Variants in SPAG16 observed in about 807,000 individuals in gnomAD.
The protein encoded by SPAG16 is sperm-associated antigen 16 protein.
A neutral mutation model predicts 80.4 loss-of-function variants in SPAG16; 86 were observed. That is an observed-to-expected ratio of 1.07 (90% confidence interval 0.90 to 1.28). The LOEUF is 1.28. Among genes scored for constraint, SPAG16 ranks in the 50% most tolerant of loss-of-function variants. SPAG16 has a pLI of 0.00. For missense variants in SPAG16, 870 were observed against 765.3 expected (o/e 1.14, Z -1.61); for synonymous variants, 294 against 265.9 (o/e 1.11, Z -1.03).
At chr2:214,152,731 G>A (rs1034815167) in intron 15 of SPAG16, among the ~76,000 whole-genome samples, 5 of 152,136 alleles carry the variant, frequency 3.3e-5, no homozygotes, top group African/African-American at 7.2e-5. Flanking sequence ...AAAGGGGCAG[G>A]GTAAAGAGTG....
chr2:213,622,846 T>TA (rs11382964), intron 10 of SPAG16, among the ~76,000 whole-genome samples: 62,803 of 151,976 alleles, frequency 0.41, 13,564 homozygotes, highest in Middle Eastern at 0.52. Flanking sequence ...TGTGTATTTT[T>TA]AAAGTATAAG....
At chr2:213,946,859 C>T (rs866773612) in intron 12 of SPAG16, among the ~76,000 whole-genome samples, 7 of 152,280 alleles carry the variant, frequency 4.6e-5, no homozygotes, top group Middle Eastern at 3.4e-3. Context: ...CATACTCTCC[C>T]GCCTACTCTT....
At chr2:213,811,912 G>A (rs2072181671) in intron 10 of SPAG16, among the ~76,000 whole-genome samples, 1 of 152,094 alleles carries the variant, frequency 6.6e-6, no homozygotes, top group Non-Finnish European at 1.5e-5. Context: ...ACACTCAGCT[G>A]CAGGCGACCT....
chr2:213,386,626 A>T (rs2067444062), intron 9 of SPAG16, among the ~76,000 whole-genome samples: 1 of 152,154 alleles, frequency 6.6e-6, no homozygotes, highest in Non-Finnish European at 1.5e-5. Flanking sequence ...ATTCCATGAT[A>T]ATTCTTATAT....
intron 10 of SPAG16, among the ~76,000 whole-genome samples, chr2:213,619,147 A>G (rs2061691838): frequency 6.6e-6 from 1 of 152,194 alleles, no homozygotes. Flanking sequence ...GATAGGTATC[A>G]GATCTGAAAC....
At chr2:214,071,730 A>T (rs2050797085) in intron 13 of SPAG16, among the ~76,000 whole-genome samples, 2 of 152,034 alleles carry the variant, frequency 1.3e-5, no homozygotes, top group Admixed American at 6.6e-5. Flanking sequence ...TGTTTTTGTG[A>T]GTATCATCTT....
intron 15 of SPAG16, among the ~76,000 whole-genome samples, chr2:214,178,551 A>G (rs1264507271): frequency 6.6e-6 from 1 of 151,250 alleles, no homozygotes; most frequent in Non-Finnish European, 1.5e-5. Context: ...AGTGAATCAA[A>G]AAGTGATTTT....
chr2:213,834,304 G>T (rs2073961687), intron 10 of SPAG16, among the ~76,000 whole-genome samples: 1 of 152,156 alleles, frequency 6.6e-6, no homozygotes, highest in Non-Finnish European at 1.5e-5. Flanking sequence ...ATTTAGCAAA[G>T]CTCTACATGA....
At chr2:213,544,092 T>G (rs968277692) in intron 10 of SPAG16, among the ~76,000 whole-genome samples, 24 of 150,880 alleles carry the variant, frequency 1.6e-4, no homozygotes, top group African/African-American at 5.0e-4. Context: ...TTGGACCTAT[T>G]GTACTGGCTT....
In SPAG16 at chr2:214,059,186, CTATATATA is replaced by C. The variant is rs36006046; in HGVS notation, c.1527+45131_1527+45138del. ...AGCAAGACTCTGTCTCTCTCTCTGT[CTATATATA>C]TATATATATATATATATATATGTAT... is the stretch of plus-strand genomic sequence containing the variant. On this transcript the variant is annotated intron_variant, in intron 13 of 15. Transcript: ENST00000331683. 6.6e-3 allele frequency among the ~76,000 whole-genome samples: 754 copies of C among 114,332 alleles called. 10 individuals are homozygous for C. Among genetic ancestry groups the C allele is most frequent in the African/African-American group, 9.8e-3 (280 of 28,526 alleles). The allele number at this position is 114,332 out of a possible 152,430, so 75.0% of individuals were successfully genotyped here.
chr2:213,836,523 C>T (rs949516854), intron 10 of SPAG16, among the ~76,000 whole-genome samples: 2 of 151,996 alleles, frequency 1.3e-5, no homozygotes, highest in African/African-American at 4.8e-5. Flanking sequence ...AAACAGCTAT[C>T]CAAATGCTCT....
chr2:213,468,724 G>GTA (rs1320403636), intron 9 of SPAG16, among the ~76,000 whole-genome samples: 15 of 147,798 alleles, frequency 1.0e-4, no homozygotes, highest in East Asian at 2.0e-4. Flanking sequence ...ATATATATGT[G>GTA]TATATATATA....
intron 10 of SPAG16, among the ~76,000 whole-genome samples, chr2:213,653,897 A>T (rs2063117069): frequency 6.6e-6 from 1 of 152,172 alleles, no homozygotes; most frequent in Non-Finnish European, 1.5e-5. Context: ...ACAGCTAAAG[A>T]TGTATTTGAC....
intron 9 of SPAG16, among the ~76,000 whole-genome samples, chr2:213,442,986 A>G (rs1413851207): frequency 6.6e-6 from 1 of 152,202 alleles, no homozygotes; most frequent in Non-Finnish European, 1.5e-5. Flanking sequence ...GAGATAAAAC[A>G]TTTGCAGGAG....
chr2:214,122,507 G>T (rs2054270017), intron 14 of SPAG16, among the ~76,000 whole-genome samples: 1 of 151,768 alleles, frequency 6.6e-6, no homozygotes, highest in Non-Finnish European at 1.5e-5. Flanking sequence ...TTGAATTTCT[G>T]ATTTCTCAAT....
intron 11 of SPAG16, among the ~76,000 whole-genome samples, chr2:213,924,264 C>T (rs749967168): frequency 2.6e-5 from 4 of 152,212 alleles, no homozygotes; most frequent in Non-Finnish European, 5.9e-5. Flanking sequence ...CTGGATGGCT[C>T]TCTCCCTCAG....
chr2:213,510,004 A>G (rs1463932016), intron 10 of SPAG16, among the ~76,000 whole-genome samples: 2 of 152,232 alleles, frequency 1.3e-5, no homozygotes, highest in Non-Finnish European at 2.9e-5. Context: ...GATCCTACAG[A>G]AATACAAACT....
intron 15 of SPAG16, among the ~76,000 whole-genome samples, chr2:214,299,632 T>C (rs550367097): frequency 3.3e-5 from 5 of 152,152 alleles, no homozygotes; most frequent in Non-Finnish European, 5.9e-5. Flanking sequence ...GCAAAGTAAG[T>C]TTTAATCTTT....
At chr2:213,949,179 T>TTTTTTTTTTTTTGTTTTTTTTTTTTTG (rs1553677672) in intron 12 of SPAG16, among the ~76,000 whole-genome samples, 1 of 36,242 alleles carries the variant, frequency 2.8e-5, no homozygotes, top group Admixed American at 4.8e-4. Context: ...GTTTTTTTTT[T>TTTTTTTTTTTTTGTTTTTTTTTTTTTG]TTTTTTTTTT....
Sources: allele counts gnomAD v4.1 joint callset (sites outside exome capture counted in the v4.1 genomes callset), GRCh38; gene constraint gnomAD v4.1.1; transcripts MANE v1.5; gene names NCBI Gene and HGNC (gene_info 2026-07-23, HGNC 2026-07-21).